Variants in PRPF6 observed in about 807,000 individuals in gnomAD.
PRPF6 encodes pre-mRNA processing factor 6, also known as pre-mRNA-processing factor 6.
A neutral mutation model predicts 118.3 loss-of-function variants in PRPF6; 42 were observed. That is an observed-to-expected ratio of 0.35 (90% confidence interval 0.28 to 0.46). PRPF6 has a LOEUF of 0.46. Ranked by LOEUF, PRPF6 falls within the 20% of genes least tolerant of loss-of-function variation. The pLI is 1.00. For missense variants in PRPF6, 662 were observed against 1,255.7 expected, an observed-to-expected ratio of 0.53 and a Z score of 7.15; for synonymous variants, 481 against 485.1, an observed-to-expected ratio of 0.99 and a Z score of 0.11.
intron 8 of PRPF6, 59 bp from the exon 9 acceptor site, chr20:64,001,018 G>A (rs1417027209): frequency 1.3e-6 from 2 of 1,571,934 alleles, no homozygotes; most frequent in East Asian, 2.2e-5. Context: ...TGTGCCTGCT[G>A]CCCTGTTGCG....
chr20:64,019,195 TTCAAGGG>T (rs1415534270), intron 12 of PRPF6, among the ~76,000 whole-genome samples: 1 of 149,424 alleles, frequency 6.7e-6, no homozygotes, highest in Non-Finnish European at 1.5e-5. Context: ...GCCTCCCAGG[TTCAAGGG>T]TTCAAGCAAT....
chr20:64,001,234 G>C lies in PRPF6; in HGVS notation c.1181G>C (p.Arg394Pro), dbSNP rs1369865859. ...TDIRAKKRVLRKALEHVPNSV... is the reference protein window; with the variant it reads ...TDIRAKKRVLPKALEHVPNSV... ...ATTCGTGCAAAGAAGCGGGTTCTTCGGAAAGGTGAGCCTCCCTCGGAGGTG... is the reference window on the plus strand; with the variant it reads ...ATTCGTGCAAAGAAGCGGGTTCTTCCGAAAGGTGAGCCTCCCTCGGAGGTG... The change falls in exon 9 of 21, where the codon CGG becomes CCG. Residue 394 changes from arginine (R) to proline (P), a missense_variant. Transcript: ENST00000266079. The C allele has an allele frequency of 6.2e-7, 1 of 1,614,076 alleles. No individual in the cohort carries two copies. The highest frequency in any genetic ancestry group is 8.5e-7 in the Non-Finnish European group (1 of 1,180,038).
In PRPF6 at chr20:64,024,536, G is replaced by T; in HGVS notation, c.1770-19G>T. The T allele has an allele frequency of 1.2e-6, 2 of 1,613,114 alleles. No homozygotes were observed. Among genetic ancestry groups the T allele is most frequent in the Non-Finnish European group, 1.7e-6 (2 of 1,179,918 alleles). On this transcript the variant is annotated intron_variant, in intron 13 of 20. Coordinates refer to ENST00000266079, the MANE Select transcript of PRPF6 (RefSeq NM_012469.4). ...GTTTATGGCCCTGCCTCTGGTGACC[G>T]TGGCCTCTTATCTTGCAGGGAGTCC...
intron 4 of PRPF6, among the ~76,000 whole-genome samples, chr20:63,993,830 A>G (rs1291184500): frequency 6.6e-6 from 1 of 151,704 alleles, no homozygotes; most frequent in Non-Finnish European, 1.5e-5. Context: ...GCTCACTGCA[A>G]CCTTCACCTC....
chr20:64,007,177 C>T (rs1338881306), intron 9 of PRPF6, among the ~76,000 whole-genome samples: 1 of 152,232 alleles, frequency 6.6e-6, no homozygotes, highest in East Asian at 1.9e-4. Flanking sequence ...CCCTATGAGG[C>T]CACTGCTGCA....
chr20:64,027,822 A>G lies in PRPF6; in HGVS notation c.2339+86A>G. ...GTCACCCAGCTGCTTGTGTGGAGTC[A>G]CTCGTGCAGTGCTTCCAGGCTCAGG... On this transcript the variant is annotated intron_variant, in intron 17 of 20. Coordinates refer to ENST00000266079, the MANE Select transcript of PRPF6 (RefSeq NM_012469.4). This position sits in a 1 kb window ranked among gnomAD's most constrained non-coding sequence, Gnocchi z 6.5. The G allele has an allele frequency of 6.3e-7, 1 of 1,577,654 alleles. No homozygotes were observed. The highest frequency in any genetic ancestry group is 8.7e-7 in the Non-Finnish European group (1 of 1,150,268).
At chr20:64,001,791 TGATTCCATCCAGG>T (rs2059167466) in intron 9 of PRPF6, among the ~76,000 whole-genome samples, 1 of 152,226 alleles carries the variant, frequency 6.6e-6, no homozygotes, top group Non-Finnish European at 1.5e-5. Context: ...CCAGGCAACC[TGATTCCATCCAGG>T]GATTCCTGCC....
At chr20:63,994,350 T>C (rs541479611) in intron 4 of PRPF6, among the ~76,000 whole-genome samples, 11 of 151,922 alleles carry the variant, frequency 7.2e-5, no homozygotes, top group Non-Finnish European at 1.6e-4. Context: ...AGAGATGGGG[T>C]TTCTCCATGT....
chr20:63,983,260 G>A, intron 2 of PRPF6, 45 bp downstream of exon 2: 3 of 1,612,944 alleles, frequency 1.9e-6, no homozygotes, highest in Non-Finnish European at 2.5e-6. Context: ...CAGTCTCTGG[G>A]AGCAGCTGAC....
intron 20 of PRPF6, among the ~76,000 whole-genome samples, 159 bp downstream of exon 20, chr20:64,032,203 C>T (rs2059318058): frequency 6.6e-6 from 1 of 152,202 alleles, no homozygotes; most frequent in Non-Finnish European, 1.5e-5. Context: ...CTCGACACCT[C>T]CCCACAAGGC....
chr20:64,018,563 T>G (rs2059249340), intron 12 of PRPF6, among the ~76,000 whole-genome samples: 1 of 152,218 alleles, frequency 6.6e-6, no homozygotes, highest in Admixed American at 6.5e-5. Context: ...TTAATGATGC[T>G]TCTTGGCCTG....
At position 63,981,653 on chromosome 20, in the gene PRPF6, C is replaced by G. The variant is rs973612849; in HGVS notation, c.71+337C>G. Among the ~76,000 whole-genome samples, 6 of 143,506 alleles carry G rather than the reference C, an allele frequency of 4.2e-5. 1 individual carries two copies. The highest frequency in any genetic ancestry group is 1.4e-4 in the Admixed American group (2 of 14,506). 94.1% of individuals were successfully genotyped at this position (143,506 alleles called of 152,430 possible). On this transcript the variant is annotated intron_variant, in intron 1 of 20. Coordinates refer to ENST00000266079, the MANE Select transcript of PRPF6 (RefSeq NM_012469.4). Reference sequence around the variant, plus strand: ...AGGTCGGGCTGACACTCCCCCCCCCCGCCCGCCCGCCCGCCCCGCCTTAAG... The same window carrying G: ...AGGTCGGGCTGACACTCCCCCCCCCGGCCCGCCCGCCCGCCCCGCCTTAAG...
intron 9 of PRPF6, among the ~76,000 whole-genome samples, chr20:64,009,279 CAAAAAAAAA>C (rs59045216): frequency 2.6e-5 from 1 of 38,228 alleles, no homozygotes; most frequent in Non-Finnish European, 4.9e-5. Flanking sequence ...GACTCCATCG[CAAAAAAAAA>C]AAAAAAAAAA....
intron 13 of PRPF6, among the ~76,000 whole-genome samples, chr20:64,023,714 G>A (rs2059276029): frequency 6.6e-6 from 1 of 152,224 alleles, no homozygotes; most frequent in African/African-American, 2.4e-5. Context: ...TGGCTGCCAT[G>A]GTGCCCCTCT....
intron 3 of PRPF6, among the ~76,000 whole-genome samples, chr20:63,985,464 T>A (rs1200489700): frequency 1.3e-5 from 2 of 152,222 alleles, no homozygotes; most frequent in Non-Finnish European, 2.9e-5. Context: ...GTCGTAGCCA[T>A]GCCTGGATAA....
chr20:64,004,228 G>A (rs902975348), intron 9 of PRPF6, among the ~76,000 whole-genome samples: 9 of 152,144 alleles, frequency 5.9e-5, no homozygotes, highest in South Asian at 2.1e-4. Context: ...GTGTTTCCAC[G>A]GCTGTTCTCT....
chr20:64,008,029 G>A (rs572814342), intron 9 of PRPF6, among the ~76,000 whole-genome samples: 3 of 152,220 alleles, frequency 2.0e-5, no homozygotes, highest in South Asian at 2.1e-4. Flanking sequence ...TGCCCACTTC[G>A]ACCTCCCAAA....
At chr20:63,998,853 A>C (rs1189829066) in intron 6 of PRPF6, among the ~76,000 whole-genome samples, 192 bp from the exon 7 acceptor site, 2 of 152,120 alleles carry the variant, frequency 1.3e-5, no homozygotes, top group Non-Finnish European at 1.5e-5. Context: ...AAAAAAAAAA[A>C]AAAATAGATC....
chr20:63,985,926 CA>C (rs2059091142), intron 3 of PRPF6, among the ~76,000 whole-genome samples: 1 of 152,080 alleles, frequency 6.6e-6, no homozygotes, highest in African/African-American at 2.4e-5. Flanking sequence ...ACCCTGATAC[CA>C]AAACCAGACA....
Sources: allele counts gnomAD v4.1 joint callset (sites outside exome capture counted in the v4.1 genomes callset), GRCh38; gene constraint gnomAD v4.1.1; non-coding constraint Gnocchi (gnomAD v3.1); transcripts MANE v1.5; gene names NCBI Gene and HGNC (gene_info 2026-07-23, HGNC 2026-07-21).